Variants in GCFC2 observed in about 807,000 individuals in gnomAD.
GCFC2 encodes intron Large complex component GCFC2.
In GCFC2, 102 loss-of-function variants were observed where a neutral mutation model predicts 99.4. The ratio of observed to expected loss-of-function variants is 1.03; its 90% confidence interval spans 0.87 to 1.21. The LOEUF (loss-of-function observed/expected upper bound fraction) is 1.21. Among genes scored for constraint, GCFC2 ranks in the 50% most tolerant of loss-of-function variants. The pLI is 0.00. For synonymous variants in GCFC2, 338 were observed against 316.8 expected, an observed-to-expected ratio of 1.07 and a Z score of -0.71; for missense variants, 973 against 920.9, an observed-to-expected ratio of 1.06 and a Z score of -0.73.
chr2:75,664,735 C>G lies in GCFC2; in HGVS notation c.2277G>C (p.Leu759Phe). The G allele has an allele frequency of 1.9e-6, 3 of 1,574,990 alleles. No homozygotes were observed. Among genetic ancestry groups the G allele is most frequent in the Non-Finnish European group, 2.6e-6 (3 of 1,145,936 alleles). ...CTCCTATGAAGGATTCTGCTTGATT[C>G]AAAGCTTTTATTTTCACCAAAATAA... ...IILILVKIKA[L>F]NQAESFIGEH... The change falls in exon 17 of 17, where the codon TTG (leucine) becomes TTC (phenylalanine). Residue 759 changes from leucine to phenylalanine, a missense_variant. By Grantham distance (22) the Leu-to-Phe change is conservative (BLOSUM62 0). Coordinates refer to ENST00000321027, the MANE Select transcript of GCFC2 (RefSeq NM_003203.5).
chr2:75,665,999 T>C lies in GCFC2; in HGVS notation c.2158A>G (p.Ile720Val), dbSNP rs557806088. 1.1e-5 allele frequency: 17 copies of C among 1,603,774 alleles called. No homozygotes were observed. In the Admixed American group the frequency reaches 2.2e-4, roughly 20 times the overall value. ...WFENSAMRTS[I>V]PQLENFIQFL... ...TGAATGAAGTTTTCTAGCTGTGGAA[T>C]AGATGTCCTCATGGCAGAATTTTCA... is the stretch of plus-strand genomic sequence containing the variant. The change falls in exon 16 of 17, where the codon ATT (isoleucine) becomes GTT (valine). Residue 720 changes from isoleucine (I) to valine (V), a missense_variant. Coordinates refer to ENST00000321027, the MANE Select transcript of GCFC2 (RefSeq NM_003203.5).
intron 4 of GCFC2, among the ~76,000 whole-genome samples, chr2:75,698,156 C>T (rs1442411816): frequency 2.0e-5 from 3 of 152,094 alleles, no homozygotes; most frequent in African/African-American, 7.2e-5. Flanking sequence ...TATACTTGGA[C>T]CTGAAGAGGG....
intron 2 of GCFC2, 112 bp from the exon 3 acceptor site, chr2:75,702,535 G>T: frequency 1.3e-6 from 1 of 789,704 alleles, no homozygotes; most frequent in Non-Finnish European, 2.0e-6. Context: ...TTGCTATTTT[G>T]ATATATGAAT....
chr2:75,704,404 G>C (rs906595495), intron 2 of GCFC2, among the ~76,000 whole-genome samples: 4 of 152,084 alleles, frequency 2.6e-5, no homozygotes, highest in Non-Finnish European at 5.9e-5. Flanking sequence ...TAAGTCCTTC[G>C]AACTTTCAGG....
intron 4 of GCFC2, among the ~76,000 whole-genome samples, chr2:75,696,930 C>T (rs755879928): frequency 2.0e-5 from 3 of 152,066 alleles, no homozygotes; most frequent in South Asian, 2.1e-4. Flanking sequence ...GGACTACAGG[C>T]GCCTGCCACC....
At chr2:75,711,983 C>T (rs1681207711), upstream of GCFC2, among the ~76,000 whole-genome samples, 1 of 152,380 alleles carries the variant, frequency 6.6e-6, no homozygotes, top group South Asian at 2.1e-4. Flanking sequence ...GACTGGCAGG[C>T]AGCTCCACCT....
Position 75,667,602 on chromosome 2 carries a change from G to C in GCFC2, c.2104-1549C>G, listed in dbSNP as rs1284804685. 3.3e-5 allele frequency among the ~76,000 whole-genome samples: 5 copies of C among 152,228 alleles called. No individual in the cohort carries two copies. The East Asian group carries it at 9.6e-4, about 29-fold the overall frequency. On this transcript the variant is annotated intron_variant, in intron 15 of 16. Coordinates refer to ENST00000321027, the MANE Select transcript of GCFC2 (RefSeq NM_003203.5). ...TTTGTTATGTAAACTCTTTTTAAAA[G>C]TTTTAAAACCACCCTTTACTATTGA...
chr2:75,683,771 C>CAAAAAAAAAAAAAAAAAAAAAAA (rs749580096), intron 11 of GCFC2, among the ~76,000 whole-genome samples: 4 of 60,394 alleles, frequency 6.6e-5, no homozygotes, highest in African/African-American at 1.9e-4. Flanking sequence ...AAATGGAAAG[C>CAAAAAAAAAAAAAAAAAAAAAAA]AAAAAAAAAA....
rs1158636505 is a variant in GCFC2 at position 75,706,667 on chromosome 2, A to G, written c.266-16T>C. Reference sequence around the variant, plus strand: ...GTTCTGGATTCTAACAGGACATTTTAAAAATACAACAAAAAAGAGTCAAAA... The same window carrying G: ...GTTCTGGATTCTAACAGGACATTTTGAAAATACAACAAAAAAGAGTCAAAA... On this transcript the variant is annotated splice_polypyrimidine_tract_variant and intron_variant, in intron 1 of 16. Coordinates refer to ENST00000321027, the MANE Select transcript of GCFC2 (RefSeq NM_003203.5). The G allele has an allele frequency of 6.5e-7, 1 of 1,534,350 alleles. No individual in the cohort carries two copies. The highest frequency in any genetic ancestry group is 1.9e-5 in the Admixed American group (1 of 51,898).
At position 75,710,654 on chromosome 2, in the gene GCFC2, C is replaced by T; in HGVS notation, c.202G>A (p.Gly68Ser). 3.3e-6 allele frequency: 5 copies of T among 1,518,648 alleles called. No homozygotes were observed. The highest frequency in any genetic ancestry group is 2.3e-4 in the Middle Eastern group (1 of 4,306). 94.1% of individuals were successfully genotyped at this position (1,518,648 alleles called of 1,614,324 possible). ...CGCCGGGAGCTCGCCCAGACCCGGC[C>T]CCGGCCACGAGGGCCCCGAACCCGG... ...PHRVRGPRGR[G>S]RVWASSRRAT... is the part of the protein sequence containing the mutation. Residue 68 changes from glycine (G) to serine (S), a missense_variant, in exon 1 of 17, where the codon GGC becomes AGC. By Grantham distance (56) the Gly-to-Ser change is moderately conservative. Coordinates refer to ENST00000321027, the MANE Select transcript of GCFC2 (RefSeq NM_003203.5).
chr2:75,697,829 G>C (rs1257035885), intron 4 of GCFC2: 1 of 152,704 alleles, frequency 6.5e-6, no homozygotes, highest in East Asian at 1.9e-4. Context: ...ATGCAACAAA[G>C]AGAGATGTGG....
chr2:75,697,158 T>C (rs890938983), intron 4 of GCFC2, among the ~76,000 whole-genome samples: 1 of 152,238 alleles, frequency 6.6e-6, no homozygotes, highest in African/African-American at 2.4e-5. Flanking sequence ...TAACATGGTA[T>C]GTTTCACATT....
chr2:75,709,061 C>T (rs1467486372), intron 1 of GCFC2, among the ~76,000 whole-genome samples: 1 of 152,300 alleles, frequency 6.6e-6, no homozygotes, highest in Non-Finnish European at 1.5e-5. Flanking sequence ...AAATTGAAAA[C>T]AATGCTACTC....
At chr2:75,683,771 C>CAAAAAAAAAAAAAAAAAAAAGAAAAA (rs1679684931) in intron 11 of GCFC2, among the ~76,000 whole-genome samples, 4 of 60,426 alleles carry the variant, frequency 6.6e-5, no homozygotes, top group Non-Finnish European at 1.2e-4. Flanking sequence ...AAATGGAAAG[C>CAAAAAAAAAAAAAAAAAAAAGAAAAA]AAAAAAAAAA....
At position 75,710,616 on chromosome 2, in the gene GCFC2, C is replaced by A. The variant is rs572165327; in HGVS notation, c.240G>T (p.Ala80=). The stretch of plus-strand genomic sequence containing the variant: ...CTGAGCCTTCGTCCGCGCGGGGAGC[C>A]GCTTTGGTGGCACGCCGGGAGCTCG... ...VWASSRRATK[A]APRADEGSES... The change falls in exon 1 of 17, where the codon GCG becomes GCT. Residue 80 remains alanine, a synonymous_variant. Coordinates refer to ENST00000321027, the MANE Select transcript of GCFC2 (RefSeq NM_003203.5). 6.6e-7 allele frequency: 1 copy of A among 1,514,620 alleles called. No homozygotes were observed. Among genetic ancestry groups the A allele is most frequent in the South Asian group, 1.2e-5 (1 of 82,154 alleles). 93.8% of individuals were successfully genotyped at this position (1,514,620 alleles called of 1,614,324 possible).
intron 12 of GCFC2, among the ~76,000 whole-genome samples, chr2:75,677,089 A>G (rs1446868583): frequency 1.2e-4 from 18 of 152,248 alleles, no homozygotes; most frequent in Admixed American, 9.8e-4. Flanking sequence ...AATCATAATA[A>G]CAATTTGCTT....
At chr2:75,683,317 A>G (rs1047527734) in intron 11 of GCFC2, among the ~76,000 whole-genome samples, 3 of 151,886 alleles carry the variant, frequency 2.0e-5, no homozygotes, top group Non-Finnish European at 2.9e-5. Context: ...TGAATTTTCA[A>G]TCCAGAATTT....
chr2:75,710,907 A>T lies in GCFC2; in HGVS notation c.-52T>A, dbSNP rs1158403907. 2 of 1,459,502 alleles carry T rather than the reference A, an allele frequency of 1.4e-6. No individual in the cohort carries two copies. Among genetic ancestry groups the T allele is most frequent in the Admixed American group, 4.8e-5 (2 of 41,320 alleles). The allele number at this position is 1,459,502 out of a possible 1,614,324, so 90.4% of individuals were successfully genotyped here. A position where few individuals can be genotyped will look rare whatever the true frequency, so the allele number is the denominator to read the frequency against. On this transcript the variant is annotated 5_prime_UTR_variant, in exon 1 of 17. Transcript: ENST00000321027. ...TAGAACCCGCTGAACCGCAAGCCGC[A>T]GCTTCAGTGCCCGCCCCCTAGGGCG...
rs535388078 is a variant in GCFC2 at position 75,702,539 on chromosome 2, T to C, written c.395-116A>G. 1.5e-5 allele frequency: 11 copies of C among 754,694 alleles called. No homozygotes were observed. The East Asian group carries it at 1.9e-4, about 13-fold the overall frequency. The allele number at this position is 754,694 out of a possible 1,614,324, so 46.7% of individuals were successfully genotyped here. ...TCCTAAATTATTTGCTATTTTGATA[T>C]ATGAATGTGACTTTAATAAATGGCT... On this transcript the variant is annotated intron_variant, in intron 2 of 16. Transcript: ENST00000321027.
Sources: gnomAD v4.1 joint callset for allele counts (sites outside exome capture counted in the v4.1 genomes callset) on GRCh38, gnomAD v4.1.1 for gene constraint, MANE v1.5 for transcripts, NCBI Gene and HGNC (gene_info 2026-07-23, HGNC 2026-07-21) for gene names.